Variants in KCNT2 observed in about 807,000 individuals in gnomAD.
The protein encoded by KCNT2 is potassium channel subfamily T member 2.
Under a neutral mutation model 153.8 loss-of-function variants are expected in KCNT2, and 67 were observed. That is an observed-to-expected ratio of 0.44 (90% CI 0.36 to 0.53). KCNT2 has a LOEUF of 0.53. Among genes scored for constraint, KCNT2 ranks in the 20% least tolerant of loss-of-function variants. The pLI is 0.00. For synonymous variants in KCNT2, 500 were observed against 458.8 expected (o/e 1.09, Z -1.15); for missense variants, 975 against 1,354.8 (o/e 0.72, Z 4.40).
At chr1:196,524,530 C>A (rs1322332504) in intron 1 of KCNT2, among the ~76,000 whole-genome samples, 2 of 152,102 alleles carry the variant, frequency 1.3e-5, no homozygotes. Flanking sequence ...TCACTAAATA[C>A]AATGAGTGAG....
At chr1:196,273,584 T>A in intron 25 of KCNT2, 1 of 828,810 alleles carries the variant, frequency 1.2e-6, no homozygotes, top group Admixed American at 2.2e-5. Flanking sequence ...AAGGACAAAA[T>A]GTAACATATA....
chr1:196,419,324 CCCT>C lies in KCNT2; in HGVS notation c.1185+3723_1185+3725del, dbSNP rs1401519821. 9.2e-4 allele frequency among the ~76,000 whole-genome samples: 86 copies of C among 93,012 alleles called. 1 individual carries two copies. Among genetic ancestry groups the C allele is most frequent in the African/African-American group, 3.3e-3 (77 of 23,590 alleles). The allele number at this position is 93,012 out of a possible 152,430, so 61.0% of individuals were successfully genotyped here. A position where few individuals can be genotyped will look rare whatever the true frequency, so the allele number is the denominator to read the frequency against. ...TATATCTCCTAATGCTATCCCTCCC[CCCT>C]CCCCCCTCCCCCCACCCCACAACAG... On this transcript the variant is annotated intron_variant, in intron 12 of 27. Coordinates refer to ENST00000294725, the MANE Select transcript of KCNT2 (RefSeq NM_198503.5).
At chr1:196,438,822 CATG>C (rs992527968) in intron 8 of KCNT2, among the ~76,000 whole-genome samples, 1 of 151,464 alleles carries the variant, frequency 6.6e-6, no homozygotes, top group Non-Finnish European at 1.5e-5. Flanking sequence ...TAACTAATAT[CATG>C]ATATGTTAAC....
intron 5 of KCNT2, among the ~76,000 whole-genome samples, chr1:196,476,774 A>T (rs1347372957): frequency 1.3e-5 from 2 of 152,106 alleles, no homozygotes; most frequent in African/African-American, 4.8e-5. Context: ...TCTCTTTTTT[A>T]AACAATGAAG....
chr1:196,554,442 A>G (rs1658366124), intron 1 of KCNT2, among the ~76,000 whole-genome samples: 2 of 151,218 alleles, frequency 1.3e-5, no homozygotes, highest in South Asian at 4.1e-4. Flanking sequence ...AGGGAGTACC[A>G]AGATTGAACT....
chr1:196,503,232 C>A (rs1680844722), intron 1 of KCNT2, among the ~76,000 whole-genome samples: 1 of 151,906 alleles, frequency 6.6e-6, no homozygotes. Context: ...ACCTCCACTC[C>A]TTCCCATTAT....
chr1:196,409,837 T>G (rs1434403267), intron 12 of KCNT2, among the ~76,000 whole-genome samples: 2 of 151,710 alleles, frequency 1.3e-5, no homozygotes, highest in Non-Finnish European at 3.0e-5. Flanking sequence ...CTGAGTCATA[T>G]GGCAATTCTA....
At chr1:196,541,539 T>A (rs1656369140) in intron 1 of KCNT2, among the ~76,000 whole-genome samples, 1 of 152,160 alleles carries the variant, frequency 6.6e-6, no homozygotes, top group Non-Finnish European at 1.5e-5. Context: ...CATTGCATAT[T>A]GTCAGAGAAT....
intron 26 of KCNT2, among the ~76,000 whole-genome samples, chr1:196,256,085 A>C (rs1656458331): frequency 1.3e-5 from 2 of 151,992 alleles, no homozygotes; most frequent in Non-Finnish European, 2.9e-5. Flanking sequence ...ATAAGCATAA[A>C]CACAAGTATA....
At chr1:196,516,756 G>A (rs80163375) in intron 1 of KCNT2, among the ~76,000 whole-genome samples, 205 of 152,248 alleles carry the variant, frequency 1.3e-3, no homozygotes, top group African/African-American at 4.8e-3. Flanking sequence ...AGCTTTTCAG[G>A]GACAGATCTT....
At chr1:196,483,213 T>A (rs1050162718) in intron 3 of KCNT2, among the ~76,000 whole-genome samples, 1 of 152,178 alleles carries the variant, frequency 6.6e-6, no homozygotes, top group Admixed American at 6.6e-5. Flanking sequence ...TCCTTTTAGA[T>A]ACTTTCTTCT....
intron 8 of KCNT2, among the ~76,000 whole-genome samples, chr1:196,432,161 G>A (rs1332499520): frequency 1.3e-5 from 2 of 152,096 alleles, no homozygotes; most frequent in Admixed American, 6.6e-5. Context: ...AGTCAGAGGT[G>A]GTAAACCTTG....
At chr1:196,584,168 G>GATAAAATGAAATAAAATAAA (rs1662384795) in intron 1 of KCNT2, among the ~76,000 whole-genome samples, 1 of 140,988 alleles carries the variant, frequency 7.1e-6, no homozygotes, top group Non-Finnish European at 1.5e-5. Context: ...CTGGAATTAA[G>GATAAAATGAAATAAAATAAA]ATAAAATAAA....
At chr1:196,549,725 G>A (rs931500125) in intron 1 of KCNT2, among the ~76,000 whole-genome samples, 28 of 151,916 alleles carry the variant, frequency 1.8e-4, no homozygotes, top group African/African-American at 6.5e-4. Flanking sequence ...TATGAGCCAT[G>A]TGGGTCTTTT....
chr1:196,454,481 T>A (rs1676486439), intron 8 of KCNT2, among the ~76,000 whole-genome samples: 1 of 151,958 alleles, frequency 6.6e-6, no homozygotes. Context: ...AGTTTTCTGT[T>A]CCTGCATTAA....
chr1:196,360,146 A>G (rs1437973255), intron 14 of KCNT2, among the ~76,000 whole-genome samples: 2 of 152,074 alleles, frequency 1.3e-5, no homozygotes, highest in African/African-American at 2.4e-5. Context: ...CTTTCCATAT[A>G]GATTTTTAAT....
At chr1:196,469,869 T>C (rs1430607464) in intron 5 of KCNT2, among the ~76,000 whole-genome samples, 2 of 152,200 alleles carry the variant, frequency 1.3e-5, no homozygotes, top group Non-Finnish European at 2.9e-5. Context: ...TGAAGAGATC[T>C]ATGTATTAGA....
intron 24 of KCNT2, among the ~76,000 whole-genome samples, chr1:196,281,667 A>G (rs887444649): frequency 1.3e-5 from 2 of 152,186 alleles, no homozygotes; most frequent in Non-Finnish European, 2.9e-5. Flanking sequence ...TATAAAACAA[A>G]GGAGTTAAAA....
chr1:196,413,349 G>T (rs1672490242), intron 12 of KCNT2, among the ~76,000 whole-genome samples: 1 of 151,640 alleles, frequency 6.6e-6, no homozygotes, highest in African/African-American at 2.4e-5. Context: ...GACATAAAAT[G>T]CACAAAATGC....
Sources: allele counts gnomAD v4.1 joint callset (sites outside exome capture counted in the v4.1 genomes callset), GRCh38; gene constraint gnomAD v4.1.1; transcripts MANE v1.5; gene names NCBI Gene and HGNC (gene_info 2026-07-23, HGNC 2026-07-21).